Variants in C10orf90 observed in about 807,000 individuals in gnomAD.
The protein encoded by C10orf90 is chromosome 10 open reading frame 90.
C10orf90 carries 56 observed loss-of-function variants against 62.5 expected under a neutral mutation model. That is an observed-to-expected ratio of 0.90 (90% CI 0.72 to 1.12). The LOEUF (loss-of-function observed/expected upper bound fraction) is 1.12, where lower values mean the gene tolerates loss of function less well. Ranked by LOEUF, C10orf90 falls within the 50% of genes most tolerant of loss-of-function variation. The pLI is 0.00. For missense variants in C10orf90, 970 were observed against 880.4 expected, an observed-to-expected ratio of 1.10 and a Z score of -1.29; for synonymous variants, 386 against 340.4, an observed-to-expected ratio of 1.13 and a Z score of -1.47.
intron 4 of C10orf90, among the ~76,000 whole-genome samples, chr10:126,466,946 T>C (rs562121508): frequency 1.3e-5 from 2 of 152,348 alleles, no homozygotes; most frequent in South Asian, 4.1e-4. Context: ...ACAGGAAAAG[T>C]CTGACAATAG....
intron 2 of C10orf90, among the ~76,000 whole-genome samples, chr10:126,635,613 A>G (rs1163737048): frequency 6.6e-6 from 1 of 152,216 alleles, no homozygotes; most frequent in Non-Finnish European, 1.5e-5. Context: ...TCAATGAGAA[A>G]GCAATCAGTG....
intron 4 of C10orf90, among the ~76,000 whole-genome samples, chr10:126,503,279 G>A (rs73373040): frequency 4.6e-5 from 7 of 152,032 alleles, no homozygotes; most frequent in Admixed American, 1.3e-4. Flanking sequence ...AATTCTTCCC[G>A]GCCCTGGAAA....
intron 2 of C10orf90, among the ~76,000 whole-genome samples, chr10:126,563,833 G>A (rs1369828689): frequency 1.3e-5 from 2 of 152,224 alleles, no homozygotes; most frequent in East Asian, 1.9e-4. Flanking sequence ...GGATCAGCCA[G>A]TAGCAGCCCT....
intron 2 of C10orf90, among the ~76,000 whole-genome samples, chr10:126,562,285 AC>A (rs1864919967): frequency 6.6e-6 from 1 of 151,100 alleles, no homozygotes. Context: ...GCCCTCCCTT[AC>A]CCCCTGCCCT....
At chr10:126,431,785 C>A (rs1010149476) in intron 7 of C10orf90, among the ~76,000 whole-genome samples, 2 of 152,066 alleles carry the variant, frequency 1.3e-5, no homozygotes, top group African/African-American at 4.8e-5. Context: ...GTTAGATTTT[C>A]TTTTCTTTCT....
intron 2 of C10orf90, among the ~76,000 whole-genome samples, chr10:126,549,619 A>C (rs1196300186): frequency 6.6e-6 from 1 of 152,188 alleles, no homozygotes; most frequent in Non-Finnish European, 1.5e-5. Context: ...TCCTTAAAAA[A>C]CTAAATATGT....
At chr10:126,568,054 C>T (rs553266906) in intron 2 of C10orf90, among the ~76,000 whole-genome samples, 165 of 152,148 alleles carry the variant, frequency 1.1e-3, no homozygotes, top group African/African-American at 3.6e-3. Flanking sequence ...TAAGCTTAGG[C>T]CACTTCCTAA....
At chr10:126,491,013 G>A (rs1244444438) in intron 4 of C10orf90, among the ~76,000 whole-genome samples, 3 of 152,258 alleles carry the variant, frequency 2.0e-5, no homozygotes, top group East Asian at 3.9e-4. Flanking sequence ...ATATATCTCC[G>A]TAAGTAAGCA....
At chr10:126,458,680 C>T (rs534236139) in intron 7 of C10orf90, among the ~76,000 whole-genome samples, 19 of 152,270 alleles carry the variant, frequency 1.2e-4, no homozygotes, top group Non-Finnish European at 2.2e-4. Flanking sequence ...CCTCTCACCC[C>T]GAGATCTGTT....
chr10:126,455,633 G>T lies in C10orf90; in HGVS notation c.2188+3407C>A, dbSNP rs149078495. On this transcript the variant is annotated intron_variant, in intron 7 of 9. Coordinates refer to ENST00000488181, the MANE Select transcript of C10orf90 (RefSeq NM_001350921.2). ...CACCCGGGTGAGGAGAGAGACTTAC[G>T]CATTGTATTTATTGGCTCTGAGAGT... is the stretch of plus-strand genomic sequence containing the variant. Among the ~76,000 whole-genome samples the T allele has an allele frequency of 4.4e-3, 672 of 152,312 alleles. 4 individuals are homozygous for T. Among genetic ancestry groups the T allele is most frequent in the Non-Finnish European group, 8.0e-3 (547 of 68,024 alleles).
chr10:126,601,919 C>T (rs760332826), intron 2 of C10orf90, among the ~76,000 whole-genome samples: 1 of 152,270 alleles, frequency 6.6e-6, no homozygotes, highest in East Asian at 1.9e-4. Flanking sequence ...TAACCTCGCT[C>T]TCGTTTATAG....
intron 2 of C10orf90, among the ~76,000 whole-genome samples, chr10:126,526,611 G>C (rs1029127360): frequency 6.6e-6 from 1 of 152,068 alleles, no homozygotes; most frequent in African/African-American, 2.4e-5. Flanking sequence ...CCCTTTTAAA[G>C]TGCACAATTC....
At chr10:126,664,350 C>G (rs186824837) in intron 1 of C10orf90, among the ~76,000 whole-genome samples, 99 of 152,290 alleles carry the variant, frequency 6.5e-4, no homozygotes, top group African/African-American at 2.2e-3. Flanking sequence ...TGCCGTGGCT[C>G]TGTGTCACTT....
chr10:126,591,168 A>G (rs1361725968), intron 2 of C10orf90, among the ~76,000 whole-genome samples: 3 of 152,230 alleles, frequency 2.0e-5, no homozygotes, highest in Admixed American at 6.5e-5. Flanking sequence ...TCAATTAAAA[A>G]GAAAGGACTC....
intron 2 of C10orf90, among the ~76,000 whole-genome samples, chr10:126,539,159 G>C (rs1348898717): frequency 6.6e-6 from 1 of 152,208 alleles, no homozygotes. Flanking sequence ...CGCAGTGGCA[G>C]ATCAGGAGAC....
chr10:126,618,717 T>C (rs769368158), intron 2 of C10orf90, among the ~76,000 whole-genome samples: 4 of 152,292 alleles, frequency 2.6e-5, no homozygotes, highest in Middle Eastern at 3.4e-3. Context: ...GTGAGCATAT[T>C]GAGGAATCAC....
chr10:126,649,078 C>CG (rs1165912408), intron 1 of C10orf90, among the ~76,000 whole-genome samples: 35 of 106,092 alleles, frequency 3.3e-4, no homozygotes, highest in Non-Finnish European at 4.1e-4. Flanking sequence ...CTCTCCCCCC[C>CG]CCCCAGCAAT....
intron 2 of C10orf90, among the ~76,000 whole-genome samples, chr10:126,619,544 C>T (rs986320512): frequency 6.6e-6 from 1 of 152,182 alleles, no homozygotes; most frequent in Non-Finnish European, 1.5e-5. Flanking sequence ...TCTTGAGAAC[C>T]TTTTCATAAA....
At chr10:126,647,391 G>T (rs1467393359) in intron 1 of C10orf90, among the ~76,000 whole-genome samples, 2 of 152,182 alleles carry the variant, frequency 1.3e-5, no homozygotes, top group Non-Finnish European at 2.9e-5. Flanking sequence ...CTCTAATTGT[G>T]AGCCTCAGTT....
Sources: allele counts gnomAD v4.1 joint callset (sites outside exome capture counted in the v4.1 genomes callset), GRCh38; gene constraint gnomAD v4.1.1; transcripts MANE v1.5; gene names NCBI Gene and HGNC (gene_info 2026-07-23, HGNC 2026-07-21).